Variants in LRFN5 observed in about 807,000 individuals in gnomAD.
LRFN5 encodes the protein leucine-rich repeat and fibronectin type-III domain-containing protein 5.
Under a neutral mutation model 45.6 loss-of-function variants are expected in LRFN5, and 24 were observed. That is an observed-to-expected ratio of 0.53 (90% CI 0.38 to 0.74). The LOEUF is 0.74. LRFN5 is among the 30% of genes least tolerant of loss of function. The probability of loss-of-function intolerance (pLI) is 0.00; values close to 1 mark genes in which losing one functional copy is unlikely to be tolerated. For synonymous variants in LRFN5, 340 were observed against 313.8 expected, an observed-to-expected ratio of 1.08 and a Z score of -0.88; for missense variants, 776 against 861.5, an observed-to-expected ratio of 0.90 and a Z score of 1.24.
In LRFN5 at chr14:41,734,339, TATATA is replaced by T. The variant is rs1566642919; in HGVS notation, c.-196-32514_-196-32510del. On this transcript the variant is annotated intron_variant, in intron 1 of 5. Transcript: ENST00000298119. ...TTTTATATATATATATATATATATA[TATATA>T]TTTAAATTTGCTGTAACTTATTGAT... Among the ~76,000 whole-genome samples the T allele has an allele frequency of 4.9e-4, 55 of 111,228 alleles. 9 individuals carry two copies. In the East Asian group the frequency reaches 0.012, roughly 24 times the overall value. The allele number at this position is 111,228 out of a possible 152,430, so 73.0% of individuals were successfully genotyped here. A position where few individuals can be genotyped will look rare whatever the true frequency, so the allele number is the denominator to read the frequency against.
chr14:41,701,722 A>T (rs1424229104), intron 1 of LRFN5, among the ~76,000 whole-genome samples: 1 of 152,130 alleles, frequency 6.6e-6, no homozygotes, highest in Non-Finnish European at 1.5e-5. Context: ...CTTGACACAG[A>T]TCACCAAGAG....
At chr14:41,892,881 C>T (rs1890830371) in intron 4 of LRFN5, 3 of 984,902 alleles carry the variant, frequency 3.0e-6, no homozygotes, top group Non-Finnish European at 1.2e-6. Context: ...TCATTTAATA[C>T]ACATTTTTTG....
chr14:41,611,575 A>G (rs1385859709), intron 1 of LRFN5, among the ~76,000 whole-genome samples: 1 of 152,214 alleles, frequency 6.6e-6, no homozygotes, highest in African/African-American at 2.4e-5. Flanking sequence ...ATAAGCAGAT[A>G]GGTGAAAAGA....
At chr14:41,674,117 C>G (rs1186674133) in intron 1 of LRFN5, among the ~76,000 whole-genome samples, 1 of 144,584 alleles carries the variant, frequency 6.9e-6, no homozygotes, top group Non-Finnish European at 1.5e-5. Context: ...GCTGGCCTGG[C>G]AGAGGGGCTC....
Position 41,746,538 on chromosome 14 carries a change from T to C in LRFN5, c.-196-20316T>C, listed in dbSNP as rs557610971. 3.3e-5 allele frequency among the ~76,000 whole-genome samples: 5 copies of C among 152,104 alleles called. No individual in the cohort carries two copies. The South Asian group carries it at 1.0e-3, about 32-fold the overall frequency. On this transcript the variant is annotated intron_variant, in intron 1 of 5. Transcript: ENST00000298119. ...AATAAAGGGGTGAGATGATATCTCA[T>C]TGTAGATTTTATTTTTATTTCTGAT...
intron 2 of LRFN5, among the ~76,000 whole-genome samples, chr14:41,873,578 T>G (rs1002741090): frequency 9.9e-5 from 15 of 152,114 alleles, no homozygotes; most frequent in Non-Finnish European, 1.0e-4. Flanking sequence ...CTCAGTAAAT[T>G]CATTTTTTGT....
At chr14:41,892,612 A>G in intron 4 of LRFN5, 1 of 982,924 alleles carries the variant, frequency 1.0e-6, no homozygotes, top group Non-Finnish European at 1.2e-6. Flanking sequence ...GTTGTAGAGA[A>G]CAACTTCATG....
At chr14:41,741,882 A>T (rs1353285128) in intron 1 of LRFN5, among the ~76,000 whole-genome samples, 1 of 151,746 alleles carries the variant, frequency 6.6e-6, no homozygotes, top group Non-Finnish European at 1.5e-5. Context: ...TCTCCAAAGA[A>T]GACATGTGAA....
chr14:41,646,111 G>A (rs1879807053), intron 1 of LRFN5, among the ~76,000 whole-genome samples: 1 of 151,938 alleles, frequency 6.6e-6, no homozygotes. Context: ...TCATTTCTTT[G>A]TGTTGGGGAC....
At chr14:41,776,183 TATA>T (rs1384255977) in intron 2 of LRFN5, among the ~76,000 whole-genome samples, 1 of 152,234 alleles carries the variant, frequency 6.6e-6, no homozygotes, top group Non-Finnish European at 1.5e-5. Context: ...TGGGAAGTTT[TATA>T]GTAGTAATCC....
rs746656262 is a variant in LRFN5 at position 41,891,368 on chromosome 14, G to T, written c.1504G>T (p.Val502Phe). The change falls in exon 4 of 6, where the codon GTC becomes TTC. Residue 502 changes from valine to phenylalanine, a missense_variant. By Grantham distance (50) the Val-to-Phe change is conservative (BLOSUM62 -1). This residue lies in a region of LRFN5 where 465 missense variants were observed against 456.4 expected (regional missense o/e 1.02). Transcript: ENST00000298119. ...DGITSLTATR[V>F]VGCIQFTTEQ... Reference sequence around the variant, plus strand: ...CATCACTTCCCTCACTGCCACAAGAGTCGTGGGTTGCATCCAGTTTACTAC... The same window carrying T: ...CATCACTTCCCTCACTGCCACAAGATTCGTGGGTTGCATCCAGTTTACTAC... The T allele has an allele frequency of 2.5e-6, 4 of 1,614,032 alleles. No individual in the cohort carries two copies. Among genetic ancestry groups the T allele is most frequent in the Non-Finnish European group, 3.4e-6 (4 of 1,180,036 alleles).
At chr14:41,626,048 G>A (rs1888319391) in intron 1 of LRFN5, among the ~76,000 whole-genome samples, 2 of 152,062 alleles carry the variant, frequency 1.3e-5, no homozygotes, top group Admixed American at 1.3e-4. Flanking sequence ...TAGGCAAAAA[G>A]TAGATGGGAG....
chr14:41,899,084 C>A, intron 5 of LRFN5, 124 bp downstream of exon 5: 1 of 722,918 alleles, frequency 1.4e-6, no homozygotes, highest in Non-Finnish European at 2.2e-6. Context: ...TTAAAATTTA[C>A]TTATAATTCT....
rs1359259623 is a variant in LRFN5 at position 41,647,695 on chromosome 14, T to A, written c.-197+39133T>A. Among the ~76,000 whole-genome samples the A allele has an allele frequency of 3.3e-5, 5 of 152,134 alleles. No homozygotes were observed. In the East Asian group the frequency reaches 9.6e-4, roughly 29 times the overall value. On this transcript the variant is annotated intron_variant, in intron 1 of 5. Coordinates refer to ENST00000298119, the MANE Select transcript of LRFN5 (RefSeq NM_152447.5). ...CAGGTTTGGGCATGTTTACTTTGAG[T>A]TCCACATGGGATAAGAACAGGGATT...
At chr14:41,825,772 A>G (rs1888272634) in intron 2 of LRFN5, among the ~76,000 whole-genome samples, 1 of 152,144 alleles carries the variant, frequency 6.6e-6, no homozygotes, top group South Asian at 2.1e-4. Context: ...ACCCTTTGCC[A>G]GCTGGCAGCT....
At chr14:41,719,853 T>A (rs1159673196) in intron 1 of LRFN5, among the ~76,000 whole-genome samples, 3 of 152,032 alleles carry the variant, frequency 2.0e-5, no homozygotes, top group Admixed American at 6.6e-5. Flanking sequence ...CTTTGAGACC[T>A]TTCTAACTTT....
At chr14:41,785,434 T>C (rs888168231) in intron 2 of LRFN5, among the ~76,000 whole-genome samples, 1 of 152,100 alleles carries the variant, frequency 6.6e-6, no homozygotes, top group Non-Finnish European at 1.5e-5. Flanking sequence ...TACTTCTTTG[T>C]TTATTTTTTA....
chr14:41,632,430 C>T (rs75136812), intron 1 of LRFN5, among the ~76,000 whole-genome samples: 2 of 151,970 alleles, frequency 1.3e-5, no homozygotes, highest in Non-Finnish European at 2.9e-5. Flanking sequence ...ATGGTGAAAC[C>T]CCATCTCTAT....
intron 1 of LRFN5, among the ~76,000 whole-genome samples, chr14:41,715,772 A>T (rs1183608201): frequency 6.6e-6 from 1 of 152,088 alleles, no homozygotes; most frequent in East Asian, 1.9e-4. Flanking sequence ...TGGATCTATC[A>T]TTCTGGGGTC....
Sources: gnomAD v4.1 joint callset for allele counts (sites outside exome capture counted in the v4.1 genomes callset) on GRCh38, gnomAD v4.1.1 for gene constraint, gnomAD v4.1.1 regional missense constraint, MANE v1.5 for transcripts, NCBI Gene and HGNC (gene_info 2026-07-23, HGNC 2026-07-21) for gene names.